Variants in ALDH1A1 observed in about 807,000 individuals in gnomAD.
ALDH1A1 encodes aldehyde dehydrogenase 1A1.
A neutral mutation model predicts 62.1 loss-of-function variants in ALDH1A1; 19 were observed. That is an observed-to-expected ratio of 0.31 (90% confidence interval 0.21 to 0.45). The LOEUF (loss-of-function observed/expected upper bound fraction) is 0.45. Ranked by LOEUF, ALDH1A1 falls within the 20% of genes least tolerant of loss-of-function variation. The pLI, the probability that ALDH1A1 is intolerant of heterozygous loss-of-function variation, is 1.00. For missense variants in ALDH1A1, 521 were observed against 607.1 expected, an observed-to-expected ratio of 0.86 and a Z score of 1.49; for synonymous variants, 231 against 215.9, an observed-to-expected ratio of 1.07 and a Z score of -0.61.
chr9:72,920,139 T>G (rs1183711661), intron 7 of ALDH1A1, among the ~76,000 whole-genome samples: 2 of 152,136 alleles, frequency 1.3e-5, no homozygotes, highest in Non-Finnish European at 2.9e-5. Flanking sequence ...AAGAGAGAAA[T>G]AGATGTTTCG....
chr9:72,906,322 C>T lies in ALDH1A1; in HGVS notation c.1359-290G>A, dbSNP rs59459131. Among the ~76,000 whole-genome samples the T allele has an allele frequency of 3.5e-3, 540 of 152,230 alleles. 4 individuals carry two copies. The highest frequency in any genetic ancestry group is 0.013 in the African/African-American group (528 of 41,538). Reference sequence around the variant, plus strand: ...GAATTTATAAAAGATAGAATAGTCACTATGCTGTAGGGGGAAAGATATGGT... The same window carrying T: ...GAATTTATAAAAGATAGAATAGTCATTATGCTGTAGGGGGAAAGATATGGT... On this transcript the variant is annotated intron_variant, in intron 11 of 12. Transcript: ENST00000297785.
chr9:72,936,454 GGAGA>G (rs367980808), intron 2 of ALDH1A1, among the ~76,000 whole-genome samples: 21 of 152,234 alleles, frequency 1.4e-4, no homozygotes, highest in African/African-American at 5.1e-4. Flanking sequence ...CCTCTTGAAT[GGAGA>G]GAGAAAGTAT....
At chr9:72,933,706 T>C (rs542515576) in intron 2 of ALDH1A1, among the ~76,000 whole-genome samples, 1 of 152,306 alleles carries the variant, frequency 6.6e-6, no homozygotes, top group African/African-American at 2.4e-5. Context: ...ACATTTTCTA[T>C]GTTAGAACAT....
chr9:72,925,012 C>G (rs1039497630), intron 6 of ALDH1A1, among the ~76,000 whole-genome samples: 1 of 152,162 alleles, frequency 6.6e-6, no homozygotes, highest in African/African-American at 2.4e-5. Flanking sequence ...CATATCCACT[C>G]ATGAGTAGAT....
rs185407595 is a variant in ALDH1A1 at position 72,930,747 on chromosome 9, T to C, written c.312+132A>G. 2.0e-4 allele frequency: 211 copies of C among 1,062,560 alleles called. 1 individual carries two copies. The highest frequency in any genetic ancestry group is 2.4e-4 in the East Asian group (10 of 41,514). The allele number at this position is 1,062,560 out of a possible 1,614,324, so 65.8% of individuals were successfully genotyped here. The stretch of plus-strand genomic sequence containing the variant: ...AGTTCAATGTTAAGGGGCCTATTCA[T>C]TGGGACAAAAAATGTTTTCATTTTG... On this transcript the variant is annotated intron_variant, in intron 3 of 12. Transcript: ENST00000297785.
At chr9:72,925,742 A>G (rs1830197141) in intron 5 of ALDH1A1, 130 bp from the exon 6 acceptor site, 11 of 1,015,650 alleles carry the variant, frequency 1.1e-5, no homozygotes, top group Non-Finnish European at 1.5e-5. Context: ...CATCTGGCAT[A>G]TTATACTTCA....
intron 4 of ALDH1A1, among the ~76,000 whole-genome samples, chr9:72,927,881 A>T (rs1166908103): frequency 6.6e-6 from 1 of 151,858 alleles, no homozygotes; most frequent in Non-Finnish European, 1.5e-5. Flanking sequence ...TGACCAATTT[A>T]TGTGCCCCGA....
chr9:72,942,979 C>CA (rs1276426024), intron 1 of ALDH1A1, among the ~76,000 whole-genome samples: 1 of 152,000 alleles, frequency 6.6e-6, no homozygotes, highest in Non-Finnish European at 1.5e-5. Context: ...AAATTCCAAA[C>CA]AAAAAACTAA....
intron 7 of ALDH1A1, among the ~76,000 whole-genome samples, chr9:72,922,698 G>T (rs1414728404): frequency 6.6e-6 from 1 of 152,194 alleles, no homozygotes; most frequent in Non-Finnish European, 1.5e-5. Flanking sequence ...ATTGGGGAGG[G>T]TCTAGAATTC....
At chr9:72,920,433 A>C (rs1830125942) in intron 7 of ALDH1A1, among the ~76,000 whole-genome samples, 1 of 152,170 alleles carries the variant, frequency 6.6e-6, no homozygotes, top group Non-Finnish European at 1.5e-5. Flanking sequence ...GTAGATAAAA[A>C]ATTTACTTAC....
chr9:72,931,391 A>T (rs1201195816), intron 2 of ALDH1A1, among the ~76,000 whole-genome samples: 4 of 152,222 alleles, frequency 2.6e-5, no homozygotes, highest in African/African-American at 9.6e-5. Flanking sequence ...TGTTTTACAG[A>T]TGAAGAAACT....
Position 72,901,265 on chromosome 9 carries a change from G to C in ALDH1A1, c.1449C>G (p.Phe483Leu). 1 of 1,608,816 alleles carries C rather than the reference G, an allele frequency of 6.2e-7. No homozygotes were observed. The highest frequency in any genetic ancestry group is 8.5e-7 in the Non-Finnish European group (1 of 1,177,372). ...CTGTTTTGACCTCTGTATATTCATGGAAACCGTACTCTCCCCTAGAGAGAA... is the reference window on the plus strand; with the variant it reads ...CTGTTTTGACCTCTGTATATTCATGCAAACCGTACTCTCCCCTAGAGAGAA... ...GNGRELGEYGFHEYTEVKTVT... is the reference protein window; with the variant it reads ...GNGRELGEYGLHEYTEVKTVT... Residue 483 changes from phenylalanine to leucine, a missense_variant, in exon 13 of 13, where the codon TTC becomes TTG. Coordinates refer to ENST00000297785, the MANE Select transcript of ALDH1A1 (RefSeq NM_000689.5).
intron 11 of ALDH1A1, among the ~76,000 whole-genome samples, chr9:72,908,548 GAA>G (rs1238074833): frequency 1.0e-4 from 3 of 29,684 alleles, no homozygotes; most frequent in Non-Finnish European, 2.1e-4. Flanking sequence ...AGAAAGAAAA[GAA>G]AGAAGAAAGA....
intron 10 of ALDH1A1, among the ~76,000 whole-genome samples, chr9:72,911,117 T>C (rs1204192772): frequency 6.6e-6 from 1 of 152,144 alleles, no homozygotes; most frequent in Non-Finnish European, 1.5e-5. Context: ...AGCATATATA[T>C]AATGTATATA....
chr9:72,904,493 T>C lies in ALDH1A1; in HGVS notation c.1433+1465A>G, dbSNP rs557653070. Among the ~76,000 whole-genome samples the C allele has an allele frequency of 3.9e-5, 6 of 152,276 alleles. No homozygotes were observed. The South Asian group carries it at 1.2e-3, about 32-fold the overall frequency. On this transcript the variant is annotated intron_variant, in intron 12 of 12. Coordinates refer to ENST00000297785, the MANE Select transcript of ALDH1A1 (RefSeq NM_000689.5). ...CCCTCTTCTCTACTAACTGATATCC[T>C]ACACTTGCTTTCTGCCCTAGAGGAA...
Position 72,931,013 on chromosome 9 carries a change from C to T in ALDH1A1, c.178G>A (p.Val60Ile). The T allele has an allele frequency of 4.3e-6, 7 of 1,613,942 alleles. No individual in the cohort carries two copies. Among genetic ancestry groups the T allele is most frequent in the Non-Finnish European group, 5.9e-6 (7 of 1,179,908 alleles). ...CQVEEGDKED[V>I]DKAVKAARQA... ...CTTGCGGCCTTCACTGCCTTGTCAA[C>T]ATCCTCCTGTAAGTCAACAGGAATT... is the stretch of plus-strand genomic sequence containing the variant. Residue 60 changes from valine (V) to isoleucine (I), a missense_variant, in exon 3 of 13, where the codon GTT becomes ATT. Val to Ile is a conservative substitution (Grantham distance 29). Coordinates refer to ENST00000297785, the MANE Select transcript of ALDH1A1 (RefSeq NM_000689.5).
chr9:72,920,778 T>A (rs1203854140), intron 7 of ALDH1A1, among the ~76,000 whole-genome samples: 1 of 152,232 alleles, frequency 6.6e-6, no homozygotes. Context: ...AAGTAAACGT[T>A]TATCATTTTT....
chr9:72,916,036 T>C (rs2118505865), intron 9 of ALDH1A1, among the ~76,000 whole-genome samples: 1 of 152,306 alleles, frequency 6.6e-6, no homozygotes, highest in Admixed American at 6.5e-5. Flanking sequence ...TTGGGCCAGA[T>C]AATTCTTTGT....
At chr9:72,948,586 C>T (rs1383658319) in intron 1 of ALDH1A1, among the ~76,000 whole-genome samples, 1 of 151,882 alleles carries the variant, frequency 6.6e-6, no homozygotes, top group Admixed American at 6.6e-5. Flanking sequence ...ATCCCTCAGG[C>T]TTACCTTTAA....
Sources: gnomAD v4.1 joint callset for allele counts (sites outside exome capture counted in the v4.1 genomes callset) on GRCh38, gnomAD v4.1.1 for gene constraint, MANE v1.5 for transcripts, NCBI Gene and HGNC (gene_info 2026-07-23, HGNC 2026-07-21) for gene names.